Variants in GATAD2B observed in about 807,000 individuals in gnomAD.
The protein encoded by GATAD2B is transcriptional repressor p66-beta.
A neutral mutation model predicts 64.3 loss-of-function variants in GATAD2B; 8 were observed. The observed-to-expected ratio is 0.12, with a 90% CI of 0.07 to 0.22. GATAD2B has a LOEUF of 0.22. Among genes scored for constraint, GATAD2B ranks in the 10% least tolerant of loss-of-function variants. The pLI, the probability that GATAD2B is intolerant of heterozygous loss-of-function variation, is 1.00. For synonymous variants in GATAD2B, 281 were observed against 271.3 expected (o/e 1.04, Z -0.35); for missense variants, 453 against 752.0 (o/e 0.60, Z 4.65).
rs543042324 is a variant in GATAD2B, at chr1:153,891,890, G to A, written c.-2+30843C>T. Reference sequence around the variant, plus strand: ...TTAGGGACAGAGTTTATGGCCGGGTGCAGTGGCTCATGCCTGTAATCCTAG... The same window carrying A: ...TTAGGGACAGAGTTTATGGCCGGGTACAGTGGCTCATGCCTGTAATCCTAG... On this transcript the variant is annotated intron_variant, in intron 1 of 10. Coordinates refer to ENST00000368655, the MANE Select transcript of GATAD2B (RefSeq NM_020699.4). Among the ~76,000 whole-genome samples, 12 of 152,054 alleles carry A rather than the reference G, an allele frequency of 7.9e-5. No homozygotes were observed. In the South Asian group the frequency reaches 2.5e-3, roughly 32 times the overall value.
rs190588028 is a variant in GATAD2B, at chr1:153,909,704, G to A, written c.-2+13029C>T. ...TCCCAGCACTTTGGGAGACTGAGGG[G>A]GCGGGGGGGCAGATCACAAGGTCAG... On this transcript the variant is annotated intron_variant, in intron 1 of 10. Transcript: ENST00000368655. Among the ~76,000 whole-genome samples, 6 of 151,248 alleles carry A rather than the reference G, an allele frequency of 4.0e-5. No individual in the cohort carries two copies. The East Asian group carries it at 1.2e-3, about 30-fold the overall frequency.
chr1:153,914,227 C>CAAAAAA (rs759245034), intron 1 of GATAD2B, among the ~76,000 whole-genome samples: 11 of 65,960 alleles, frequency 1.7e-4, no homozygotes, highest in African/African-American at 4.2e-4. Flanking sequence ...CCCAGACTCT[C>CAAAAAA]AAAAAAAAAA....
At chr1:153,900,054 C>T (rs867599819) in intron 1 of GATAD2B, among the ~76,000 whole-genome samples, 64 of 152,216 alleles carry the variant, frequency 4.2e-4, no homozygotes, top group Middle Eastern at 3.4e-3. Flanking sequence ...TATATCCATA[C>T]AATGAAATAT....
intron 1 of GATAD2B, among the ~76,000 whole-genome samples, chr1:153,832,375 A>G (rs376315366): frequency 6.6e-6 from 1 of 152,270 alleles, no homozygotes; most frequent in Non-Finnish European, 1.5e-5. Context: ...AACCAGCCAC[A>G]GCATTCCTTT....
chr1:153,834,359 A>AT (rs1388427566), intron 1 of GATAD2B, among the ~76,000 whole-genome samples: 2 of 151,754 alleles, frequency 1.3e-5, no homozygotes, highest in Non-Finnish European at 2.9e-5. Flanking sequence ...ATTATTTACC[A>AT]TTGCAGGAGG....
chr1:153,914,317 G>C (rs1678201755), intron 1 of GATAD2B, among the ~76,000 whole-genome samples: 1 of 150,570 alleles, frequency 6.6e-6, no homozygotes, highest in Non-Finnish European at 1.5e-5. Flanking sequence ...GTGCTTTACA[G>C]TTTATAAAGT....
chr1:153,859,652 AGAGT>A (rs977199582), intron 1 of GATAD2B, among the ~76,000 whole-genome samples: 20 of 151,248 alleles, frequency 1.3e-4, no homozygotes, highest in African/African-American at 4.9e-4. Context: ...CCTGGGTAAC[AGAGT>A]GAGACTCCAT....
chr1:153,879,025 C>T (rs940543229), intron 1 of GATAD2B, among the ~76,000 whole-genome samples: 4 of 151,966 alleles, frequency 2.6e-5, no homozygotes, highest in African/African-American at 9.7e-5. Context: ...CTGCAACCTC[C>T]GCCTCCCGGG....
intron 1 of GATAD2B, among the ~76,000 whole-genome samples, chr1:153,893,834 C>T (rs1316666442): frequency 2.0e-5 from 3 of 149,184 alleles, no homozygotes; most frequent in East Asian, 4.0e-4. Context: ...GGCAGGTGCC[C>T]GTAATCCCAG....
chr1:153,853,369 C>T lies in GATAD2B; in HGVS notation c.-1-25021G>A, dbSNP rs185501261. 6.1e-4 allele frequency: 420 copies of T among 686,962 alleles called. 1 individual carries two copies. In the African/African-American group the frequency reaches 6.8e-3, roughly 11 times the overall value. 42.6% of individuals were successfully genotyped at this position (686,962 alleles called of 1,614,324 possible). A position where few individuals can be genotyped will look rare whatever the true frequency, so the allele number is the denominator to read the frequency against. On this transcript the variant is annotated intron_variant, in intron 1 of 10. Transcript: ENST00000368655. The stretch of plus-strand genomic sequence containing the variant: ...GCTCATCAAGGGCAGGTTGACCACC[C>T]GAGTCATCACACTCAGTTGTGGATC...
Position 153,809,135 on chromosome 1 carries a change from C to T in GATAD2B, c.*1042G>A, listed in dbSNP as rs909093959. ...TATGTCCACCCAACTTGTGGGACAC[C>T]CAGCAAACAGCCTTGGAACAGCCGT... On this transcript the variant is annotated 3_prime_UTR_variant, in exon 11 of 11. Coordinates refer to ENST00000368655, the MANE Select transcript of GATAD2B (RefSeq NM_020699.4). The T allele has an allele frequency of 6.6e-6, 1 of 152,118 alleles. No individual in the cohort carries two copies. The highest frequency in any genetic ancestry group is 2.4e-5 in the African/African-American group (1 of 41,396). 9.4% of individuals were successfully genotyped at this position (152,118 alleles called of 1,614,324 possible). A position where few individuals can be genotyped will look rare whatever the true frequency, so the allele number is the denominator to read the frequency against.
At chr1:153,826,147 G>A (rs1674870240) in intron 2 of GATAD2B, among the ~76,000 whole-genome samples, 1 of 152,002 alleles carries the variant, frequency 6.6e-6, no homozygotes, top group East Asian at 2.0e-4. Context: ...GGGACTACAG[G>A]CACCTGCCAC....
chr1:153,905,915 A>G (rs1054586353), intron 1 of GATAD2B, among the ~76,000 whole-genome samples: 2 of 151,352 alleles, frequency 1.3e-5, no homozygotes, highest in African/African-American at 4.9e-5. Flanking sequence ...AAAAATACAA[A>G]AATTAGCTGG....
chr1:153,905,690 G>C (rs550767251), intron 1 of GATAD2B, among the ~76,000 whole-genome samples: 1 of 151,344 alleles, frequency 6.6e-6, no homozygotes, highest in Non-Finnish European at 1.5e-5. Context: ...CCAGCTACTC[G>C]GGAGGCTGAA....
chr1:153,909,815 G>T (rs1259504345), intron 1 of GATAD2B, among the ~76,000 whole-genome samples: 1 of 151,742 alleles, frequency 6.6e-6, no homozygotes, highest in Non-Finnish European at 1.5e-5. Flanking sequence ...GGGTGTGGTG[G>T]CACACACCTG....
chr1:153,831,324 C>G (rs897564953), intron 1 of GATAD2B, among the ~76,000 whole-genome samples: 1 of 152,006 alleles, frequency 6.6e-6, no homozygotes, highest in African/African-American at 2.4e-5. Context: ...CATCACACAC[C>G]TGGGTCTGTT....
chr1:153,866,225 A>T (rs1410627688), intron 1 of GATAD2B, among the ~76,000 whole-genome samples: 1 of 139,172 alleles, frequency 7.2e-6, no homozygotes, highest in African/African-American at 2.6e-5. Context: ...AAAAAAAAAA[A>T]TTCATAGCTC....
chr1:153,910,290 A>G (rs1678074381), intron 1 of GATAD2B, among the ~76,000 whole-genome samples: 1 of 150,686 alleles, frequency 6.6e-6, no homozygotes, highest in Non-Finnish European at 1.5e-5. Flanking sequence ...TCCCCAACTT[A>G]CAATGGCTCA....
At chr1:153,883,775 C>T (rs935108041) in intron 1 of GATAD2B, among the ~76,000 whole-genome samples, 1 of 151,412 alleles carries the variant, frequency 6.6e-6, no homozygotes, top group African/African-American at 2.4e-5. Flanking sequence ...GTAGCAATTA[C>T]CATTGATTGC....
Sources: gnomAD v4.1 joint callset for allele counts (sites outside exome capture counted in the v4.1 genomes callset) on GRCh38, gnomAD v4.1.1 for gene constraint, MANE v1.5 for transcripts, NCBI Gene and HGNC (gene_info 2026-07-23, HGNC 2026-07-21) for gene names.